Variants in RIMS2 observed in about 807,000 individuals in gnomAD.
RIMS2 encodes the protein regulating synaptic membrane exocytosis protein 2.
In RIMS2, 59 loss-of-function variants were observed where a neutral mutation model predicts 174.4. That is an observed-to-expected ratio of 0.34 (90% CI 0.27 to 0.42). The LOEUF (loss-of-function observed/expected upper bound fraction) is 0.42. Among genes scored for constraint, RIMS2 ranks in the 10% least tolerant of loss-of-function variants. RIMS2 has a pLI of 1.00. For synonymous variants in RIMS2, 606 were observed against 572.5 expected, an observed-to-expected ratio of 1.06 and a Z score of -0.84; for missense variants, 1,620 against 1,666.3, an observed-to-expected ratio of 0.97 and a Z score of 0.48.
intron 1 of RIMS2, among the ~76,000 whole-genome samples, chr8:103,617,325 T>C (rs2095528438): frequency 6.6e-6 from 1 of 152,226 alleles, no homozygotes; most frequent in Non-Finnish European, 1.5e-5. Context: ...AGATTGAAGC[T>C]GGACTCCTTC....
chr8:103,687,628 A>G (rs533603503), intron 1 of RIMS2, among the ~76,000 whole-genome samples: 47 of 152,200 alleles, frequency 3.1e-4, no homozygotes, highest in African/African-American at 1.1e-3. Flanking sequence ...TCTCCCATCT[A>G]ACTGAAATTT....
intron 19 of RIMS2, among the ~76,000 whole-genome samples, chr8:104,054,041 T>C (rs2096830947): frequency 6.6e-6 from 1 of 152,108 alleles, no homozygotes; most frequent in Non-Finnish European, 1.5e-5. Flanking sequence ...ACAAGGGCAT[T>C]TGAAAGGTTA....
intron 2 of RIMS2, among the ~76,000 whole-genome samples, chr8:103,721,167 T>C (rs534659606): frequency 1.3e-5 from 2 of 152,310 alleles, no homozygotes; most frequent in African/African-American, 4.8e-5. Context: ...CTGGCTCCCC[T>C]TCGCTTTCTG....
intron 19 of RIMS2, among the ~76,000 whole-genome samples, chr8:104,038,957 C>G (rs1365386126): frequency 2.0e-5 from 3 of 151,608 alleles, no homozygotes; most frequent in Admixed American, 1.3e-4. Context: ...TGGCAAATGA[C>G]TTAATTGATA....
At chr8:103,967,426 C>T (rs2092191848) in intron 15 of RIMS2, among the ~76,000 whole-genome samples, 1 of 151,570 alleles carries the variant, frequency 6.6e-6, no homozygotes, top group Non-Finnish European at 1.5e-5. Flanking sequence ...ACTCCTGACC[C>T]CACGTAATCC....
intron 3 of RIMS2, chr8:103,768,221 A>G (rs997641730): frequency 4.7e-6 from 2 of 424,076 alleles, no homozygotes; most frequent in Non-Finnish European, 8.8e-6. Flanking sequence ...ATGAATGACT[A>G]AGTAAAATGA....
chr8:103,794,093 A>T lies in RIMS2; in HGVS notation c.698+27556A>T, dbSNP rs369760135. On this transcript the variant is annotated intron_variant, in intron 3 of 23. Coordinates refer to ENST00000504942, the Ensembl canonical transcript of RIMS2. ...ATTGAAAAAAACTATGTTAAACTTC[A>T]TATGGAACCAAAAAAGAGCCCACAT... 5.3e-5 allele frequency among the ~76,000 whole-genome samples: 8 copies of T among 152,310 alleles called. No individual in the cohort carries two copies. In the South Asian group the frequency reaches 1.0e-3, roughly 20 times the overall value.
chr8:103,522,733 C>T (rs1452390246), intron 1 of RIMS2, among the ~76,000 whole-genome samples: 1 of 152,064 alleles, frequency 6.6e-6, no homozygotes, highest in Non-Finnish European at 1.5e-5. Context: ...TTACAATAAC[C>T]TTAATTTCTG....
At chr8:103,989,491 A>G (rs2094554509) in intron 17 of RIMS2, 70 bp downstream of exon 19, 1 of 788,274 alleles carries the variant, frequency 1.3e-6, no homozygotes, top group Non-Finnish European at 2.1e-6. Flanking sequence ...GGGTTACCAT[A>G]AAATATTTTC....
At chr8:104,223,787 G>A in intron 19 of RIMS2, 1 of 1,596,162 alleles carries the variant, frequency 6.3e-7, no homozygotes, top group South Asian at 1.1e-5. Context: ...GGAGGAGGAA[G>A]AAGGAGGTGA....
At chr8:104,251,296 G>A in intron 23 of RIMS2, 133 bp downstream of exon 29, 1 of 790,396 alleles carries the variant, frequency 1.3e-6, no homozygotes. Flanking sequence ...TTTCAAAGCA[G>A]TGGCCCGTGC....
At chr8:104,040,654 G>C (rs1238984028) in intron 19 of RIMS2, among the ~76,000 whole-genome samples, 1 of 151,674 alleles carries the variant, frequency 6.6e-6, no homozygotes, top group Non-Finnish European at 1.5e-5. Flanking sequence ...CTACATTGAA[G>C]TTTAGTTTGG....
chr8:103,944,502 G>T (rs2083263654), intron 14 of RIMS2, among the ~76,000 whole-genome samples: 1 of 151,946 alleles, frequency 6.6e-6, no homozygotes, highest in Admixed American at 6.6e-5. Flanking sequence ...TATTGCAATA[G>T]GTAATAGATT....
intron 1 of RIMS2, among the ~76,000 whole-genome samples, chr8:103,658,241 T>C (rs928834907): frequency 4.7e-4 from 71 of 152,180 alleles, no homozygotes; most frequent in Non-Finnish European, 4.6e-4. Flanking sequence ...CAACCTAATA[T>C]TAAGTTTTGT....
intron 3 of RIMS2, among the ~76,000 whole-genome samples, chr8:103,789,168 G>C (rs1397988647): frequency 6.6e-6 from 1 of 152,076 alleles, no homozygotes; most frequent in Non-Finnish European, 1.5e-5. Context: ...TGCGCCCACT[G>C]TCTGGCACTC....
chr8:103,619,734 A>C (rs1227902730), intron 1 of RIMS2, among the ~76,000 whole-genome samples: 1 of 152,016 alleles, frequency 6.6e-6, no homozygotes, highest in Admixed American at 6.6e-5. Flanking sequence ...CGCTTCCTTC[A>C]CCTCTACCAT....
At chr8:103,961,707 A>G (rs12548406) in intron 15 of RIMS2, among the ~76,000 whole-genome samples, 21,206 of 152,124 alleles carry the variant, frequency 0.14, 1,668 homozygotes, top group Non-Finnish European at 0.17. Context: ...AATACCTTTA[A>G]TATTGTAAAA....
chr8:103,637,363 T>C (rs1222416452), intron 1 of RIMS2, among the ~76,000 whole-genome samples: 1 of 152,228 alleles, frequency 6.6e-6, no homozygotes, highest in East Asian at 1.9e-4. Flanking sequence ...AACTTTCTTT[T>C]CTTGAATTTA....
At chr8:103,714,085 A>T (rs2097340618) in intron 2 of RIMS2, among the ~76,000 whole-genome samples, 1 of 152,020 alleles carries the variant, frequency 6.6e-6, no homozygotes, top group Non-Finnish European at 1.5e-5. Context: ...GATTCTTCAG[A>T]CCTCCAATCT....
Sources: gnomAD v4.1 joint callset for allele counts (sites outside exome capture counted in the v4.1 genomes callset) on GRCh38, gnomAD v4.1.1 for gene constraint, MANE v1.5 for transcripts, NCBI Gene and HGNC (gene_info 2026-07-23, HGNC 2026-07-21) for gene names.